Variants in PTPN21 observed in about 807,000 individuals in gnomAD.
The protein encoded by PTPN21 is tyrosine-protein phosphatase non-receptor type 21.
In PTPN21, 77 loss-of-function variants were observed where a neutral mutation model predicts 131.8. That is an observed-to-expected ratio of 0.58 (90% CI 0.49 to 0.71). The LOEUF (loss-of-function observed/expected upper bound fraction) is 0.71, where lower values mean the gene tolerates loss of function less well. PTPN21 is among the 30% of genes least tolerant of loss of function. The pLI is 0.00. For missense variants in PTPN21, 1,552 were observed against 1,527.1 expected (o/e 1.02, Z -0.27); for synonymous variants, 715 against 621.3 (o/e 1.15, Z -2.24).
chr14:88,468,397 G>A, intron 18 of PTPN21, 132 bp from the exon 19 acceptor site: 1 of 865,314 alleles, frequency 1.2e-6, no homozygotes, highest in South Asian at 2.0e-5. Context: ...GCGTCTTCTA[G>A]AAATAAGCCA....
intron 1 of PTPN21, chr14:88,551,197 C>T (rs1484885710): frequency 6.6e-6 from 1 of 152,222 alleles, no homozygotes; most frequent in Non-Finnish European, 1.5e-5. Flanking sequence ...TACTGATAAA[C>T]ATCATAAAAG....
rs1566811844 is a variant in PTPN21 at position 88,479,106 on chromosome 14, GC to G, written c.2324del (p.Ser775ThrfsTer18). The G allele has an allele frequency of 6.4e-7, 1 of 1,571,044 alleles. No individual in the cohort carries two copies. Among genetic ancestry groups the G allele is most frequent in the East Asian group, 2.3e-5 (1 of 44,060 alleles). ...PDAEKRMMDS[S>X]PVRTTAEAQR... ...GGGCCTCTGCGGTCGTGCGGACGGG[GC>G]TGCTGTCCATCATCCTCTTCTCCGC... On this transcript the variant is annotated frameshift_variant, in exon 13 of 19. Transcript: ENST00000556564. LOFTEE classifies it high-confidence loss of function.
chr14:88,497,270 A>G lies in PTPN21; in HGVS notation c.785T>C (p.Met262Thr), dbSNP rs1414958026. The G allele has an allele frequency of 1.2e-6, 2 of 1,613,480 alleles. No individual in the cohort carries two copies. The highest frequency in any genetic ancestry group is 1.7e-5 in the Admixed American group (1 of 60,014). ...TGCAAAAAAGGACTTGTTGTGGGAC[A>G]TGTTGGCAATGTCATGCCACCTAAA... is the stretch of plus-strand genomic sequence containing the variant. ...VVFRWHDIAN[M>T]SHNKSFFALE... The change falls in exon 9 of 19, where the codon ATG becomes ACG. Residue 262 changes from methionine (M) to threonine (T), a missense_variant. Met to Thr is a moderately conservative substitution (Grantham distance 81). Around this residue, in one of 4 missense-constraint regions of PTPN21, gnomAD observed 1,016 missense variants for 883.5 expected, o/e 1.15. Transcript: ENST00000556564.
chr14:88,540,262 T>A (rs1199104945), intron 2 of PTPN21, among the ~76,000 whole-genome samples: 2 of 152,204 alleles, frequency 1.3e-5, no homozygotes, highest in Non-Finnish European at 2.9e-5. Context: ...ATGCTATTGG[T>A]CTTTGGTCCA....
rs561830861 is a variant in PTPN21, at chr14:88,505,468, C to G, written c.449-97G>C. On this transcript the variant is annotated intron_variant, in intron 4 of 18. Coordinates refer to ENST00000556564, the MANE Select transcript of PTPN21 (RefSeq NM_007039.4). Reference sequence around the variant, plus strand: ...ATACGCAGTATATCTAGATGGTATGCTAATATTTCAGAAGTCAAATTTGTT... The same window carrying G: ...ATACGCAGTATATCTAGATGGTATGGTAATATTTCAGAAGTCAAATTTGTT... 66 of 747,110 alleles carry G rather than the reference C, an allele frequency of 8.8e-5. 1 individual carries two copies. In the African/African-American group the frequency reaches 1.0e-3, roughly 12 times the overall value. The allele number at this position is 747,110 out of a possible 1,614,324, so 46.3% of individuals were successfully genotyped here. A position where few individuals can be genotyped will look rare whatever the true frequency, so the allele number is the denominator to read the frequency against.
chr14:88,508,250 G>A (rs1218586703), intron 3 of PTPN21, among the ~76,000 whole-genome samples: 3 of 151,464 alleles, frequency 2.0e-5, no homozygotes, highest in Non-Finnish European at 2.9e-5. Flanking sequence ...CCTAAGCTTA[G>A]GTGATCCTCC....
At chr14:88,487,160 A>ATT (rs113432422) in intron 10 of PTPN21, among the ~76,000 whole-genome samples, 1 of 151,232 alleles carries the variant, frequency 6.6e-6, no homozygotes, top group African/African-American at 2.4e-5. Flanking sequence ...TAAAGGCAAG[A>ATT]TTTTTTTTTC....
intron 13 of PTPN21, among the ~76,000 whole-genome samples, chr14:88,476,381 C>T (rs2077547142): frequency 6.6e-6 from 1 of 152,174 alleles, no homozygotes; most frequent in South Asian, 2.1e-4. Flanking sequence ...ATCCCCCCAA[C>T]AACTCTCTGG....
intron 2 of PTPN21, among the ~76,000 whole-genome samples, chr14:88,518,634 T>TTGGTCAGGA (rs1234966002): frequency 6.7e-6 from 1 of 150,114 alleles, no homozygotes; most frequent in African/African-American, 2.4e-5. Context: ...TTTTACCATG[T>TTGGTCAGGA]TGGTCAGGCT....
At chr14:88,518,248 A>T (rs2078312370) in intron 2 of PTPN21, among the ~76,000 whole-genome samples, 3 of 77,496 alleles carry the variant, frequency 3.9e-5, no homozygotes, top group African/African-American at 1.2e-4. Context: ...AAAAAAAAAA[A>T]AAAAAAAATA....
intron 3 of PTPN21, among the ~76,000 whole-genome samples, chr14:88,514,684 G>A (rs560989741): frequency 2.0e-5 from 3 of 151,754 alleles, no homozygotes; most frequent in South Asian, 4.2e-4. Flanking sequence ...GGCTGATCTC[G>A]AACTCCCGAC....
chr14:88,474,534 T>C (rs915485024), intron 13 of PTPN21, among the ~76,000 whole-genome samples: 5 of 152,114 alleles, frequency 3.3e-5, no homozygotes, highest in African/African-American at 4.8e-5. Flanking sequence ...TTCTGAAAAA[T>C]TAAATGGTTT....
chr14:88,479,419 A>G lies in PTPN21; in HGVS notation c.2012T>C (p.Val671Ala), dbSNP rs548678817. The stretch of plus-strand genomic sequence containing the variant: ...GGTGAAAACGCTGGGCTGGGAGCCC[A>G]CCGAGACGGCTCGCGGCGCCACCTC... Reference protein sequence around the residue: ...AAEVAPRAVSVGSQPSVFTER... With the variant: ...AAEVAPRAVSAGSQPSVFTER... Residue 671 changes from valine to alanine, a missense_variant, in exon 13 of 19, where the codon GTG (valine) becomes GCG (alanine). Coordinates refer to ENST00000556564, the MANE Select transcript of PTPN21 (RefSeq NM_007039.4). 6.2e-7 allele frequency: 1 copy of G among 1,602,636 alleles called. No homozygotes were observed. The highest frequency in any genetic ancestry group is 8.5e-7 in the Non-Finnish European group (1 of 1,178,552).
chr14:88,478,736 G>A (rs73314129), intron 13 of PTPN21, among the ~76,000 whole-genome samples, 184 bp downstream of exon 13: 5,157 of 151,724 alleles, frequency 0.034, 353 homozygotes, highest in African/African-American at 0.12. Context: ...TAAAATTCAA[G>A]TGGATCCCCA....
At chr14:88,520,111 A>G (rs1387764624) in intron 2 of PTPN21, among the ~76,000 whole-genome samples, 1 of 152,152 alleles carries the variant, frequency 6.6e-6, no homozygotes, top group African/African-American at 2.4e-5. Context: ...ATGCAAGAGA[A>G]AGTTATATAA....
rs373678423 is a variant in PTPN21, at chr14:88,517,239, T to C, written c.203A>G (p.Tyr68Cys). The change falls in exon 3 of 19, where the codon TAC (tyrosine) becomes TGC (cysteine). Residue 68 changes from tyrosine to cysteine, a missense_variant. By Grantham distance (194) the Tyr-to-Cys change is radical. Coordinates refer to ENST00000556564, the MANE Select transcript of PTPN21 (RefSeq NM_007039.4). The part of the protein sequence containing the change: ...LREVTYFSLW[Y>C]YNKQNQRRWV... ...CCGGCGCTGATTTTGCTTGTTGTAG[T>C]ACCAGAGGCTGAAGTAAGTGACCTG... is the stretch of plus-strand genomic sequence containing the variant. 1.5e-5 allele frequency: 24 copies of C among 1,613,916 alleles called. No homozygotes were observed. The highest frequency in any genetic ancestry group is 2.2e-5 in the East Asian group (1 of 44,882).
Position 88,509,881 on chromosome 14 carries a change from C to T in PTPN21, c.351-1861G>A, listed in dbSNP as rs566799131. Among the ~76,000 whole-genome samples, 224 of 152,164 alleles carry T rather than the reference C, an allele frequency of 1.5e-3. 1 individual carries two copies. The highest frequency in any genetic ancestry group is 2.1e-3 in the Non-Finnish European group (141 of 68,002). ...TGAAACCCCATCTCTACTAAAAATA[C>T]AAAAATTAGCCAGGCGTGGTGGCAC... On this transcript the variant is annotated intron_variant, in intron 3 of 18. Transcript: ENST00000556564.
At chr14:88,530,362 A>G (rs1193492275) in intron 2 of PTPN21, among the ~76,000 whole-genome samples, 1 of 152,172 alleles carries the variant, frequency 6.6e-6, no homozygotes, top group African/African-American at 2.4e-5. Context: ...TAAAACAGTA[A>G]CACAATGGGG....
In PTPN21 at chr14:88,501,341, C is replaced by T. The variant is rs369674701; in HGVS notation, c.615G>A (p.Met205Ile). 1.5e-5 allele frequency: 25 copies of T among 1,614,016 alleles called. No individual in the cohort carries two copies. Among genetic ancestry groups the T allele is most frequent in the Non-Finnish European group, 2.0e-5 (24 of 1,179,990 alleles). ...TTCTCTCTACCTCCTGCATGTACAG[C>T]ATTTCAGCATCAGGAGCTGTGAGCC... ...YRGLTAPDAE[M>I]LYMQEVERMD... Residue 205 changes from methionine to isoleucine, a missense_variant, in exon 7 of 19, where the codon ATG becomes ATA. Around this residue, in one of 4 missense-constraint regions of PTPN21, gnomAD observed 14 missense variants for 43.5 expected, o/e 0.32. Coordinates refer to ENST00000556564, the MANE Select transcript of PTPN21 (RefSeq NM_007039.4).
Sources: allele counts gnomAD v4.1 joint callset (sites outside exome capture counted in the v4.1 genomes callset), GRCh38; gene constraint gnomAD v4.1.1; regional missense constraint gnomAD v4.1.1; transcripts MANE v1.5; gene names NCBI Gene and HGNC (gene_info 2026-07-23, HGNC 2026-07-21).